HEMK2: variants seen among roughly 807,000 people sequenced by gnomAD.
The protein encoded by HEMK2 is HemK methyltransferase 2, ETF1 glutamine and histone H4 lysine.
chr21:28,654,324 T>C, the HEMK2 span, among the ~76,000 whole-genome samples: 138 of 152,186 alleles, frequency 9.1e-4, 1 homozygote, highest in African/African-American at 3.1e-3. Flanking sequence ...CTGCACAGAG[T>C]CTAAAAAATG....
At chr21:28,671,314 A>G in the HEMK2 span, 1 of 152,212 alleles carries the variant, frequency 6.6e-6, no homozygotes, top group African/African-American at 2.4e-5. Flanking sequence ...AAGAAAGAGT[A>G]AAGGTCCAAA....
At chr21:28,804,772 T>A in the HEMK2 span, among the ~76,000 whole-genome samples, 1 of 152,214 alleles carries the variant, frequency 6.6e-6, no homozygotes, top group Admixed American at 6.5e-5. Context: ...ACGGGCCACA[T>A]GGCATGTGCA....
chr21:28,638,505 C>T, the HEMK2 span, among the ~76,000 whole-genome samples: 6 of 152,114 alleles, frequency 3.9e-5, no homozygotes, highest in African/African-American at 1.4e-4. Flanking sequence ...AAGCATTCTG[C>T]CGTTTTAAGC....
chr21:28,602,425 A>G, the HEMK2 span, among the ~76,000 whole-genome samples: 5 of 152,220 alleles, frequency 3.3e-5, no homozygotes, highest in Non-Finnish European at 5.9e-5. Flanking sequence ...CTGGGACTTT[A>G]GAATTGTTGT....
the HEMK2 span, among the ~76,000 whole-genome samples, chr21:28,640,400 C>T: frequency 6.6e-6 from 1 of 152,100 alleles, no homozygotes; most frequent in Non-Finnish European, 1.5e-5. Flanking sequence ...ACAGGATGGA[C>T]ACGAATATTT....
the HEMK2 span, among the ~76,000 whole-genome samples, chr21:28,804,899 T>TTG: frequency 6.6e-6 from 1 of 152,200 alleles, no homozygotes; most frequent in African/African-American, 2.4e-5. Context: ...TGTTTGTAAT[T>TTG]CATGTTTCTC....
the HEMK2 span, among the ~76,000 whole-genome samples, chr21:28,730,383 GACACACACACAC>G: frequency 2.6e-5 from 3 of 115,830 alleles, no homozygotes; most frequent in East Asian, 3.8e-4. Flanking sequence ...AACACACACA[GACACACACACAC>G]ACACACACAC....
At chr21:28,879,217 T>C in the HEMK2 span, among the ~76,000 whole-genome samples, 2 of 151,882 alleles carry the variant, frequency 1.3e-5, no homozygotes, top group Non-Finnish European at 2.9e-5. Flanking sequence ...CCCAAGTATG[T>C]AGGACTACAG....
chr21:28,870,280 G>A, the HEMK2 span, among the ~76,000 whole-genome samples: 1 of 152,162 alleles, frequency 6.6e-6, no homozygotes, highest in Non-Finnish European at 1.5e-5. Flanking sequence ...CCAATTATTT[G>A]CATCTTGCAT....
At chr21:28,823,818 A>G in the HEMK2 span, among the ~76,000 whole-genome samples, 1 of 152,130 alleles carries the variant, frequency 6.6e-6, no homozygotes, top group South Asian at 2.1e-4. Flanking sequence ...CCATATGTTA[A>G]CCCTCTACTA....
the HEMK2 span, among the ~76,000 whole-genome samples, chr21:28,683,962 T>G: frequency 6.6e-6 from 1 of 152,214 alleles, no homozygotes; most frequent in Admixed American, 6.5e-5. Flanking sequence ...TATGTTGACA[T>G]TTATTTTCTA....
the HEMK2 span, among the ~76,000 whole-genome samples, chr21:28,766,050 A>G: frequency 6.6e-6 from 1 of 152,114 alleles, no homozygotes; most frequent in African/African-American, 2.4e-5. Context: ...AAAGTATCAC[A>G]AGGACAGAAA....
At chr21:28,660,116 T>C in the HEMK2 span, among the ~76,000 whole-genome samples, 1 of 152,114 alleles carries the variant, frequency 6.6e-6, no homozygotes, top group Non-Finnish European at 1.5e-5. Context: ...CATTTGTTTT[T>C]TTCTAGAGTG....
chr21:28,876,147 A>T, the HEMK2 span: 2 of 308,980 alleles, frequency 6.5e-6, no homozygotes, highest in Non-Finnish European at 1.2e-5. Context: ...ATAATGCTGA[A>T]ATAAATATTT....
At chr21:28,703,009 A>G in the HEMK2 span, among the ~76,000 whole-genome samples, 43 of 152,340 alleles carry the variant, frequency 2.8e-4, no homozygotes, top group Admixed American at 3.9e-4. Context: ...TGTCCTTTGC[A>G]GCAACATGGA....
the HEMK2 span, among the ~76,000 whole-genome samples, chr21:28,616,449 GTTTGAAAAGTTATGAA>G: frequency 6.6e-6 from 1 of 152,078 alleles, no homozygotes; most frequent in Non-Finnish European, 1.5e-5. Flanking sequence ...AATTAGTCTT[GTTTGAAAAGTTATGAA>G]TTTTTATGTA....
the HEMK2 span, among the ~76,000 whole-genome samples, chr21:28,668,271 T>C: frequency 6.6e-6 from 1 of 152,228 alleles, no homozygotes; most frequent in Non-Finnish European, 1.5e-5. Flanking sequence ...TTTCAGCTTT[T>C]GCTGCAATAA....
chr21:28,842,930 A>G, the HEMK2 span, among the ~76,000 whole-genome samples: 1 of 152,178 alleles, frequency 6.6e-6, no homozygotes, highest in African/African-American at 2.4e-5. Context: ...TCCCAAGTCT[A>G]CAATGGGAGA....
the HEMK2 span, chr21:28,873,358 C>A: frequency 6.6e-6 from 1 of 152,168 alleles, no homozygotes; most frequent in Non-Finnish European, 1.5e-5. Flanking sequence ...TACACACACA[C>A]AAAATGTAGT....
Sources: allele counts gnomAD v4.1 joint callset (sites outside exome capture counted in the v4.1 genomes callset), GRCh38; gene constraint gnomAD v4.1.1; transcripts MANE v1.5; gene names NCBI Gene and HGNC (gene_info 2026-07-23, HGNC 2026-07-21).